CRLF3: variants seen among roughly 807,000 people sequenced by gnomAD.
CRLF3 encodes the protein cytokine receptor-like factor 3.
A neutral mutation model predicts 55.0 loss-of-function variants in CRLF3; 33 were observed. That is an observed-to-expected ratio of 0.60 (90% CI 0.46 to 0.80). The LOEUF (loss-of-function observed/expected upper bound fraction) is 0.80. Among genes scored for constraint, CRLF3 ranks in the 30% least tolerant of loss-of-function variants. The pLI is 0.00. For missense variants in CRLF3, 494 were observed against 538.4 expected (o/e 0.92, Z 0.82); for synonymous variants, 238 against 196.8 (o/e 1.21, Z -1.75).
intron 7 of CRLF3, 40 bp downstream of exon 7, chr17:30,785,876 AATT>A: frequency 9.8e-7 from 1 of 1,025,304 alleles, no homozygotes; most frequent in Non-Finnish European, 1.5e-6. Flanking sequence ...TTACTAAAAT[AATT>A]AATATATTTC....
Position 30,796,349 on chromosome 17 carries a change from A to G in CRLF3, c.426-12T>C. On this transcript the variant is annotated splice_polypyrimidine_tract_variant and intron_variant, in intron 3 of 7. Coordinates refer to ENST00000324238, the MANE Select transcript of CRLF3 (RefSeq NM_015986.4). ...GTACTTCTGGTAAGCTGAGGAAACA[A>G]AGCTCATGTGTTATGAGACCTCTAA... 6.2e-7 allele frequency: 1 copy of G among 1,610,312 alleles called. No individual in the cohort carries two copies. Among genetic ancestry groups the G allele is most frequent in the Non-Finnish European group, 8.5e-7 (1 of 1,177,728 alleles).
intron 7 of CRLF3, among the ~76,000 whole-genome samples, chr17:30,785,457 A>G (rs542135991): frequency 1.3e-5 from 2 of 151,600 alleles, no homozygotes; most frequent in East Asian, 4.0e-4. Flanking sequence ...TGCCTGGTAC[A>G]TGGTAGTCAC....
intron 2 of CRLF3, among the ~76,000 whole-genome samples, chr17:30,802,882 A>T (rs997751552): frequency 6.6e-6 from 1 of 151,616 alleles, no homozygotes; most frequent in Non-Finnish European, 1.5e-5. Flanking sequence ...AACAATGGAG[A>T]CTGTAATTGT....
intron 3 of CRLF3, among the ~76,000 whole-genome samples, chr17:30,797,035 A>G (rs1392321130): frequency 6.6e-6 from 1 of 151,952 alleles, no homozygotes; most frequent in Non-Finnish European, 1.5e-5. Flanking sequence ...AAGTAGCTGG[A>G]TTACAGGTCC....
At chr17:30,823,733 T>C (rs573555345) in intron 1 of CRLF3, among the ~76,000 whole-genome samples, 1 of 152,256 alleles carries the variant, frequency 6.6e-6, no homozygotes, top group Admixed American at 6.5e-5. Context: ...GTATCTTTGA[T>C]AACTCTTGCC....
intron 2 of CRLF3, among the ~76,000 whole-genome samples, chr17:30,800,104 T>C (rs1285528120): frequency 6.6e-6 from 1 of 152,154 alleles, no homozygotes; most frequent in Non-Finnish European, 1.5e-5. Flanking sequence ...ATGTGAATCA[T>C]CCACGCCTTT....
chr17:30,820,466 A>T (rs924950468), intron 1 of CRLF3, among the ~76,000 whole-genome samples: 5 of 151,998 alleles, frequency 3.3e-5, no homozygotes, highest in African/African-American at 1.2e-4. Context: ...AGGCAAGAGG[A>T]TTGCTTGAGC....
At position 30,782,970 on chromosome 17, in the gene CRLF3, T is replaced by C. The variant is rs185459667; in HGVS notation, c.*1217A>G. On this transcript the variant is annotated 3_prime_UTR_variant, in exon 8 of 8. Transcript: ENST00000324238. Reference sequence around the variant, plus strand: ...GGGTGGCATAGAAGACAATTATTTTTACATATTAAAGTCCTTCAAATAAAT... The same window carrying C: ...GGGTGGCATAGAAGACAATTATTTTCACATATTAAAGTCCTTCAAATAAAT... 2 of 152,336 alleles carry C rather than the reference T, an allele frequency of 1.3e-5. No individual in the cohort carries two copies. Among genetic ancestry groups the C allele is most frequent in the Non-Finnish European group, 1.5e-5 (1 of 68,024 alleles). The allele number at this position is 152,336 out of a possible 1,614,324, so 9.4% of individuals were successfully genotyped here.
At chr17:30,820,880 T>A (rs538893806) in intron 1 of CRLF3, among the ~76,000 whole-genome samples, 1 of 140,080 alleles carries the variant, frequency 7.1e-6, no homozygotes, top group Non-Finnish European at 1.5e-5. Context: ...GAAGACATCA[T>A]CTCTACTAAA....
intron 7 of CRLF3, chr17:30,784,714 C>G (rs548171325): frequency 6.2e-6 from 2 of 323,544 alleles, no homozygotes; most frequent in Admixed American, 9.0e-5. Context: ...ATGGAATAAA[C>G]AAGAAAGAAT....
In CRLF3 at chr17:30,792,427, A is replaced by T. The variant is rs1400212638; in HGVS notation, c.959+13T>A. 6.3e-7 allele frequency: 1 copy of T among 1,598,678 alleles called. No individual in the cohort carries two copies. Among genetic ancestry groups the T allele is most frequent in the Non-Finnish European group, 8.6e-7 (1 of 1,166,978 alleles). On this transcript the variant is annotated intron_variant, in intron 6 of 7. Transcript: ENST00000324238. The stretch of plus-strand genomic sequence containing the variant: ...CTTCCTGAGGCAGGTGAGATGTTTT[A>T]ATATCTACTTGCCTGAATGTTAATG...
chr17:30,818,128 C>T (rs1341740551), intron 1 of CRLF3, among the ~76,000 whole-genome samples: 4 of 151,634 alleles, frequency 2.6e-5, no homozygotes, highest in South Asian at 2.1e-4. Flanking sequence ...GGCGTGGTGG[C>T]GGGCACCTGT....
At chr17:30,788,367 C>A (rs1046729670) in intron 6 of CRLF3, among the ~76,000 whole-genome samples, 26 of 144,456 alleles carry the variant, frequency 1.8e-4, no homozygotes, top group African/African-American at 6.5e-4. Context: ...AGAAGGAAAC[C>A]TTAAAAAAAA....
intron 2 of CRLF3, 41 bp from the exon 3 acceptor site, chr17:30,797,439 C>CA (rs1282423580): frequency 6.6e-7 from 1 of 1,518,538 alleles, no homozygotes. Flanking sequence ...TGAAAATGGT[C>CA]ACATATAAAG....
At position 30,798,814 on chromosome 17, in the gene CRLF3, G is replaced by A. The variant is rs1485324796; in HGVS notation, c.338-1416C>T. On this transcript the variant is annotated intron_variant, in intron 2 of 7. Transcript: ENST00000324238. ...AGATCGTGCCACTGCACTCCAGCCT[G>A]GGCAACAGTGTGAGACTCTGTCTCA... Among the ~76,000 whole-genome samples the A allele has an allele frequency of 3.3e-5, 5 of 150,086 alleles. No individual in the cohort carries two copies. The East Asian group carries it at 8.1e-4, about 24-fold the overall frequency.
chr17:30,787,152 A>G (rs1971666595), intron 6 of CRLF3, among the ~76,000 whole-genome samples: 2 of 152,144 alleles, frequency 1.3e-5, no homozygotes, highest in Admixed American at 1.3e-4. Flanking sequence ...TATATTCTTA[A>G]CCATTTGTAG....
chr17:30,803,660 A>C (rs1165262281), intron 2 of CRLF3: 2 of 478,342 alleles, frequency 4.2e-6, no homozygotes, highest in Non-Finnish European at 7.5e-6. Flanking sequence ...AATAACTCTC[A>C]TGAGATCTAA....
chr17:30,795,460 T>C (rs9915567), intron 4 of CRLF3, among the ~76,000 whole-genome samples: 62,192 of 149,282 alleles, frequency 0.42, 15,509 homozygotes, highest in African/African-American at 0.72. Context: ...CGTGCCATTG[T>C]ATTCCAGCCT....
chr17:30,819,729 T>C (rs1469469574), intron 1 of CRLF3, among the ~76,000 whole-genome samples: 2 of 152,176 alleles, frequency 1.3e-5, no homozygotes, highest in East Asian at 1.9e-4. Context: ...GCCAATGCTG[T>C]AGAAATAGGA....
Sources: allele counts gnomAD v4.1 joint callset (sites outside exome capture counted in the v4.1 genomes callset), GRCh38; gene constraint gnomAD v4.1.1; transcripts MANE v1.5; gene names NCBI Gene and HGNC (gene_info 2026-07-23, HGNC 2026-07-21).